The following GALNT6 variants were observed in gnomAD, a reference collection of about 807,000 sequenced individuals.
GALNT6 encodes polypeptide N-acetylgalactosaminyltransferase 6.
Under a neutral mutation model 65.9 loss-of-function variants are expected in GALNT6, and 51 were observed. The observed-to-expected ratio is 0.77, with a 90% CI of 0.62 to 0.98. The LOEUF is 0.98. GALNT6 is among the 50% of genes least tolerant of loss of function. The probability of loss-of-function intolerance (pLI) is 0.00; values close to 1 mark genes in which losing one functional copy is unlikely to be tolerated. For missense variants in GALNT6, 708 were observed against 803.3 expected (o/e 0.88, Z 1.43); for synonymous variants, 323 against 315.1 (o/e 1.02, Z -0.26).
intron 2 of GALNT6, 139 bp downstream of exon 2, chr12:51,390,711 G>T (rs1481745644): frequency 1.6e-5 from 2 of 121,610 alleles, no homozygotes; most frequent in African/African-American, 5.6e-5. Context: ...GTGGGCCTGG[G>T]GGCGAGCTCA....
At chr12:51,391,493 G>C (rs1948104095), upstream of GALNT6, 1 of 155,756 alleles carries the variant, frequency 6.4e-6, no homozygotes, top group Non-Finnish European at 1.4e-5. Flanking sequence ...GAGGAGGTGA[G>C]AGCGAGGACT....
In GALNT6 at chr12:51,375,240, T is replaced by C. The variant is rs140790573; in HGVS notation, c.664+1955A>G. ...AAGCTTCAGCCACACCAGATCTCTT[T>C]AACAAACACATTCATGTCTTTAGGA... On this transcript the variant is annotated intron_variant, in intron 4 of 11. Coordinates refer to ENST00000356317, the MANE Select transcript of GALNT6 (RefSeq NM_007210.4). Among the ~76,000 whole-genome samples the C allele has an allele frequency of 1.2e-4, 19 of 152,262 alleles. No individual in the cohort carries two copies. The East Asian group carries it at 3.1e-3, about 25-fold the overall frequency.
At chr12:51,378,315 G>C (rs928580622) in intron 3 of GALNT6, among the ~76,000 whole-genome samples, 2 of 152,010 alleles carry the variant, frequency 1.3e-5, no homozygotes, top group Non-Finnish European at 2.9e-5. Flanking sequence ...CTACCATGCC[G>C]GGCTAATTTT....
Position 51,358,205 on chromosome 12 carries a change from G to T in GALNT6, c.1425C>A (p.His475Gln), listed in dbSNP as rs775813608. 1 of 1,613,894 alleles carries T rather than the reference G, an allele frequency of 6.2e-7. No homozygotes were observed. Among genetic ancestry groups the T allele is most frequent in the African/African-American group, 1.3e-5 (1 of 74,890 alleles). ...RLQLREQLHC[H>Q]NFSWYLHNVY... ...CATTGTGCAGGTACCAGGAAAAGTT[G>T]TGACAGTGCAGTTGTTCCCTCAGCT... The change falls in exon 9 of 12, where the codon CAC becomes CAA. Residue 475 changes from histidine to glutamine, a missense_variant. Coordinates refer to ENST00000356317, the MANE Select transcript of GALNT6 (RefSeq NM_007210.4).
intron 10 of GALNT6, 85 bp downstream of exon 10, chr12:51,357,264 C>A (rs967116757): frequency 3.5e-6 from 3 of 856,080 alleles, no homozygotes; most frequent in Non-Finnish European, 5.9e-6. Flanking sequence ...CTCCTCCCTC[C>A]CAGTCCTCAG....
intron 6 of GALNT6, among the ~76,000 whole-genome samples, chr12:51,362,853 G>GTTT: frequency 6.8e-6 from 1 of 147,720 alleles, no homozygotes. Flanking sequence ...CTCTGAGCAG[G>GTTT]TTTTTTTTTT....
At position 51,357,434 on chromosome 12, in the gene GALNT6, G is replaced by C. The variant is rs1278677271; in HGVS notation, c.1517C>G (p.Thr506Ser). 5.6e-6 allele frequency: 9 copies of C among 1,613,554 alleles called. 1 individual carries two copies. The South Asian group carries it at 9.9e-5, about 18-fold the overall frequency. ...CTCACCCACATCCAGGCATTGGTTG[G>C]TGCCGAGGTTCTTGATCTGCAGAAG... ...TFYGAIKNLG[T>S]NQCLDVGENN... The change falls in exon 10 of 12, where the codon ACC (threonine) becomes AGC (serine). Residue 506 changes from threonine (T) to serine (S), a missense_variant. Physicochemically the swap from Thr to Ser is moderately conservative, Grantham distance 58. Transcript: ENST00000356317.
intron 4 of GALNT6, among the ~76,000 whole-genome samples, chr12:51,366,735 G>T (rs573488413): frequency 6.6e-6 from 1 of 152,198 alleles, no homozygotes; most frequent in Non-Finnish European, 1.5e-5. Flanking sequence ...AAAGCTTTTT[G>T]AAGGGAAGAT....
At chr12:51,378,147 T>G (rs559462741) in intron 3 of GALNT6, among the ~76,000 whole-genome samples, 1 of 152,262 alleles carries the variant, frequency 6.6e-6, no homozygotes, top group African/African-American at 2.4e-5. Flanking sequence ...TCACACCCAG[T>G]GCTCTTCTCT....
intron 2 of GALNT6, among the ~76,000 whole-genome samples, chr12:51,386,844 C>A (rs1173899438): frequency 6.6e-6 from 1 of 152,152 alleles, no homozygotes; most frequent in African/African-American, 2.4e-5. Context: ...CATCTCAAGT[C>A]CTCTGTACTC....
chr12:51,358,300 AGT>A (rs1491373429), intron 8 of GALNT6, 39 bp from the exon 9 acceptor site: 2 of 1,510,810 alleles, frequency 1.3e-6, no homozygotes, highest in East Asian at 2.3e-5. Flanking sequence ...CAGTTCCACC[AGT>A]TTTTTTTTTT....
upstream of GALNT6, chr12:51,391,444 G>T (rs1948100051): frequency 6.4e-6 from 1 of 155,730 alleles, no homozygotes; most frequent in Non-Finnish European, 1.4e-5. Flanking sequence ...ACTGTCGGGG[G>T]TAGTGAGGAG....
chr12:51,370,405 C>A (rs539808474), intron 4 of GALNT6, among the ~76,000 whole-genome samples: 41 of 152,088 alleles, frequency 2.7e-4, no homozygotes, highest in Non-Finnish European at 8.8e-5. Flanking sequence ...TTAGCCAGCA[C>A]GTGCCTGTAA....
intron 2 of GALNT6, among the ~76,000 whole-genome samples, chr12:51,389,688 T>C (rs1947966272): frequency 1.3e-5 from 2 of 152,220 alleles, no homozygotes; most frequent in Admixed American, 1.3e-4. Flanking sequence ...CCCTCAGCCC[T>C]AGGGTTAGCT....
At chr12:51,376,275 T>C (rs982804840) in intron 4 of GALNT6, among the ~76,000 whole-genome samples, 2 of 152,186 alleles carry the variant, frequency 1.3e-5, no homozygotes, top group African/African-American at 4.8e-5. Context: ...TGTTGGACTC[T>C]GCAGTCCATG....
rs533600108 is a variant in GALNT6, at chr12:51,371,935, G to T, written c.664+5260C>A. ...GTGTGGGAAATTTTATCCCACTGTGGACGGCAGAGATTTCTGACCATGGAT... is the reference window on the plus strand; with the variant it reads ...GTGTGGGAAATTTTATCCCACTGTGTACGGCAGAGATTTCTGACCATGGAT... On this transcript the variant is annotated intron_variant, in intron 4 of 11. Coordinates refer to ENST00000356317, the MANE Select transcript of GALNT6 (RefSeq NM_007210.4). Among the ~76,000 whole-genome samples the T allele has an allele frequency of 1.6e-4, 25 of 152,290 alleles. No homozygotes were observed. In the East Asian group the frequency reaches 4.6e-3, roughly 28 times the overall value.
intron 8 of GALNT6, among the ~76,000 whole-genome samples, chr12:51,358,659 G>A (rs557175701): frequency 4.3e-4 from 65 of 152,098 alleles, no homozygotes; most frequent in Non-Finnish European, 8.8e-4. Flanking sequence ...AGCATGGAGC[G>A]CCTGGGGCTA....
intron 4 of GALNT6, among the ~76,000 whole-genome samples, chr12:51,370,308 G>A (rs1947252121): frequency 6.6e-6 from 1 of 152,240 alleles, no homozygotes; most frequent in African/African-American, 2.4e-5. Context: ...ACTTTGGGAG[G>A]CCAAGGTGGG....
intron 2 of GALNT6, among the ~76,000 whole-genome samples, chr12:51,385,189 A>G (rs1293779541): frequency 1.3e-5 from 2 of 152,014 alleles, no homozygotes; most frequent in East Asian, 3.9e-4. Flanking sequence ...GGGTCTCACT[A>G]TGCTGCCCAG....
Sources: allele counts gnomAD v4.1 joint callset (sites outside exome capture counted in the v4.1 genomes callset), GRCh38; gene constraint gnomAD v4.1.1; transcripts MANE v1.5; gene names NCBI Gene and HGNC (gene_info 2026-07-23, HGNC 2026-07-21).